AMMECR1L: variants seen among roughly 807,000 people sequenced by gnomAD.
The protein encoded by AMMECR1L is AMMECR1 like, also known as AMMECR1-like protein.
AMMECR1L carries 4 observed loss-of-function variants against 36.8 expected under a neutral mutation model. The observed-to-expected ratio is 0.11, with a 90% CI of 0.05 to 0.25. The LOEUF (loss-of-function observed/expected upper bound fraction) is 0.25, where lower values mean the gene tolerates loss of function less well. Among genes scored for constraint, AMMECR1L ranks in the 10% least tolerant of loss-of-function variants. The pLI is 1.00. For synonymous variants in AMMECR1L, 147 were observed against 148.0 expected, an observed-to-expected ratio of 0.99 and a Z score of 0.05; for missense variants, 232 against 392.1, an observed-to-expected ratio of 0.59 and a Z score of 3.45.
intron 2 of AMMECR1L, among the ~76,000 whole-genome samples, chr2:127,880,594 C>T (rs1016639707): frequency 2.0e-5 from 3 of 152,030 alleles, no homozygotes; most frequent in Admixed American, 1.3e-4. Context: ...GCAACAAGGG[C>T]CACTCAGTGA....
chr2:127,869,352 A>T lies in AMMECR1L; in HGVS notation c.724+102T>A. 2 of 1,112,008 alleles carry T rather than the reference A, an allele frequency of 1.8e-6. No homozygotes were observed. The highest frequency in any genetic ancestry group is 2.7e-6 in the Non-Finnish European group (2 of 735,066). 68.9% of individuals were successfully genotyped at this position (1,112,008 alleles called of 1,614,324 possible). On this transcript the variant is annotated intron_variant, in intron 6 of 7. Coordinates refer to ENST00000272647, the MANE Select transcript of AMMECR1L (RefSeq NM_001199140.2). The surrounding 1 kb of genome is among the most constrained non-coding windows in gnomAD (Gnocchi z 4.7). ...AAGAGGCAGAAAGGCCCTCATTCTC[A>T]GCTGCAGTTGGGCTGCAAGATGACA...
intron 2 of AMMECR1L, among the ~76,000 whole-genome samples, chr2:127,875,135 G>A (rs1691165906): frequency 6.6e-6 from 1 of 151,880 alleles, no homozygotes; most frequent in African/African-American, 2.4e-5. Context: ...CCCAGCTGAT[G>A]ATGCGAAGGG....
chr2:127,879,369 A>G (rs1691389455), intron 2 of AMMECR1L, among the ~76,000 whole-genome samples: 1 of 152,044 alleles, frequency 6.6e-6, no homozygotes, highest in African/African-American at 2.4e-5. Context: ...ACCTCCTCCC[A>G]ACTCTCTCCT....
chr2:127,878,350 G>C (rs1236206920), intron 2 of AMMECR1L, among the ~76,000 whole-genome samples: 1 of 152,286 alleles, frequency 6.6e-6, no homozygotes, highest in Non-Finnish European at 1.5e-5. Flanking sequence ...CATTCCCAGA[G>C]AGCTGGTGTT....
chr2:127,873,346 G>A lies in AMMECR1L; in HGVS notation c.407+482C>T. 1.0e-6 allele frequency: 1 copy of A among 985,422 alleles called. No homozygotes were observed. The highest frequency in any genetic ancestry group is 1.2e-6 in the Non-Finnish European group (1 of 829,934). 61.0% of individuals were successfully genotyped at this position (985,422 alleles called of 1,614,324 possible). A position where few individuals can be genotyped will look rare whatever the true frequency, so the allele number is the denominator to read the frequency against. ...CTGACTTCTTGATGGGATGTGAGTG[G>A]CCCTACAGGTTTACCAAGGGATTTC... On this transcript the variant is annotated intron_variant, in intron 3 of 7. Coordinates refer to ENST00000272647, the MANE Select transcript of AMMECR1L (RefSeq NM_001199140.2). The surrounding 1 kb of genome is among the most constrained non-coding windows in gnomAD (Gnocchi z 5.2).
intron 7 of AMMECR1L, 131 bp downstream of exon 7, chr2:127,866,769 T>C (rs900914414): frequency 2.0e-5 from 18 of 888,492 alleles, no homozygotes; most frequent in Non-Finnish European, 3.2e-5. Context: ...TTCCTCAAAA[T>C]GTGAACTTCA....
rs886513488 is a variant in AMMECR1L at position 127,865,635 on chromosome 2, G to A, written c.822-430C>T. ...TTTGACAGAAATGCAACCTCAATTC[G>A]CGTAAGAGCAACAAACAAGTTATTA... On this transcript the variant is annotated intron_variant, in intron 7 of 7. Coordinates refer to ENST00000272647, the MANE Select transcript of AMMECR1L (RefSeq NM_001199140.2). This position sits in a 1 kb window ranked among gnomAD's most constrained non-coding sequence, Gnocchi z 5.4. 6.6e-6 allele frequency among the ~76,000 whole-genome samples: 1 copy of A among 152,176 alleles called. No individual in the cohort carries two copies. Among genetic ancestry groups the A allele is most frequent in the South Asian group, 2.1e-4 (1 of 4,828 alleles).
rs954537830 is a variant in AMMECR1L, at chr2:127,862,861, C to G, written c.*2233G>C. On this transcript the variant is annotated 3_prime_UTR_variant, in exon 8 of 8. Transcript: ENST00000272647. ...CTTAAATGGCAGGTATCGTACCCCCCCTCGATAAAATAAAATAAAATAAAA... is the reference window on the plus strand; with the variant it reads ...CTTAAATGGCAGGTATCGTACCCCCGCTCGATAAAATAAAATAAAATAAAA... The G allele has an allele frequency of 6.6e-6, 1 of 150,798 alleles. No homozygotes were observed. Among genetic ancestry groups the G allele is most frequent in the African/African-American group, 2.5e-5 (1 of 40,532 alleles). 9.3% of individuals were successfully genotyped at this position (150,798 alleles called of 1,614,324 possible).
At chr2:127,883,686 T>C (rs977124499) in intron 2 of AMMECR1L, among the ~76,000 whole-genome samples, 1 of 152,254 alleles carries the variant, frequency 6.6e-6, no homozygotes, top group Non-Finnish European at 1.5e-5. Context: ...CCCAGAACTT[T>C]GTTTCAAGTT....
rs144161324 is a variant in AMMECR1L at position 127,869,462 on chromosome 2, T to G, written c.716A>C (p.Lys239Thr). The change falls in exon 6 of 8, where the codon AAG becomes ACG. Residue 239 changes from lysine (K) to threonine (T), a missense_variant. Physicochemically the swap from Lys to Thr is moderately conservative, Grantham distance 78. Around this residue, in one of 3 missense-constraint regions of AMMECR1L, gnomAD observed 83 missense variants for 229.5 expected, o/e 0.36. Transcript: ENST00000272647. The surrounding 1 kb of genome is among the most constrained non-coding windows in gnomAD (Gnocchi z 4.7). ...CCATTCATCCAACTCACCTTGTTCC[T>G]TAGCAACCTCAGGTAAATATGTGGC... ...RTATYLPEVA[K>T]EQDWDQIQTI... is the part of the protein sequence containing the mutation. 1.9e-6 allele frequency: 3 copies of G among 1,612,678 alleles called. No individual in the cohort carries two copies. The highest frequency in any genetic ancestry group is 2.5e-6 in the Non-Finnish European group (3 of 1,178,722).
At chr2:127,866,761 C>T in intron 7 of AMMECR1L, 139 bp downstream of exon 7, 1 of 833,404 alleles carries the variant, frequency 1.2e-6, no homozygotes, top group Non-Finnish European at 1.9e-6. Context: ...GCCACTGCTT[C>T]CTCAAAATGT....
Position 127,874,177 on chromosome 2 carries a change from C to T in AMMECR1L, c.58G>A (p.Gly20Arg). The T allele has an allele frequency of 6.2e-7, 1 of 1,614,178 alleles. No individual in the cohort carries two copies. Among genetic ancestry groups the T allele is most frequent in the Non-Finnish European group, 8.5e-7 (1 of 1,180,040 alleles). Residue 20 changes from glycine to arginine, a missense_variant, in exon 3 of 8, where the codon GGG (glycine) becomes AGG (arginine). Transcript: ENST00000272647. This position sits in a 1 kb window ranked among gnomAD's most constrained non-coding sequence, Gnocchi z 5.2. ...CCAGATAATTTGGGCTTCTTGACCC[C>T]ACAACAGCCTGCTGCCAACTTGGGC... ...LEPKLAAGCC[G>R]VKKPKLSGSG...
rs1323380064 is a variant in AMMECR1L, at chr2:127,873,067, G to C, written c.407+761C>G. 3 of 985,168 alleles carry C rather than the reference G, an allele frequency of 3.0e-6. No individual in the cohort carries two copies. The highest frequency in any genetic ancestry group is 3.6e-6 in the Non-Finnish European group (3 of 829,924). 61.0% of individuals were successfully genotyped at this position (985,168 alleles called of 1,614,324 possible). ...GCCAAGGTTTTGTAGTCTCCGTATG[G>C]CAATCAACAACTGAGGAATGAATAA... On this transcript the variant is annotated intron_variant, in intron 3 of 7. Coordinates refer to ENST00000272647, the MANE Select transcript of AMMECR1L (RefSeq NM_001199140.2). This position sits in a 1 kb window ranked among gnomAD's most constrained non-coding sequence, Gnocchi z 5.2.
At chr2:127,867,141 G>T in intron 6 of AMMECR1L, 145 bp from the exon 7 acceptor site, 5 of 1,468,738 alleles carry the variant, frequency 3.4e-6, no homozygotes, top group Non-Finnish European at 3.6e-6. Flanking sequence ...TGACCCCCAC[G>T]TACCTGGCGC....
In AMMECR1L at chr2:127,869,385, CT is replaced by C; in HGVS notation, c.724+68del. 2.1e-6 allele frequency: 3 copies of C among 1,455,018 alleles called. No homozygotes were observed. In the South Asian group the frequency reaches 3.4e-5, roughly 17 times the overall value. 90.1% of individuals were successfully genotyped at this position (1,455,018 alleles called of 1,614,324 possible). The stretch of plus-strand genomic sequence containing the variant: ...TTGGGCTGCAAGATGACACACTTCA[CT>C]TTCTTGCCCTTTAACTGGCACCACT... On this transcript the variant is annotated intron_variant, in intron 6 of 7. Coordinates refer to ENST00000272647, the MANE Select transcript of AMMECR1L (RefSeq NM_001199140.2). This position sits in a 1 kb window ranked among gnomAD's most constrained non-coding sequence, Gnocchi z 4.7.
Position 127,873,214 on chromosome 2 carries a change from A to C in AMMECR1L, c.407+614T>G. 1 of 985,492 alleles carries C rather than the reference A, an allele frequency of 1.0e-6. No homozygotes were observed. Among genetic ancestry groups the C allele is most frequent in the Middle Eastern group, 5.2e-4 (1 of 1,914 alleles). The allele number at this position is 985,492 out of a possible 1,614,324, so 61.0% of individuals were successfully genotyped here. On this transcript the variant is annotated intron_variant, in intron 3 of 7. Transcript: ENST00000272647. The surrounding 1 kb of genome is among the most constrained non-coding windows in gnomAD (Gnocchi z 5.2). Reference sequence around the variant, plus strand: ...GAGGAAGAAGAAAATGCTAGCATGGAATTCTTCAGTTTACTTTATACATAT... The same window carrying C: ...GAGGAAGAAGAAAATGCTAGCATGGCATTCTTCAGTTTACTTTATACATAT...
chr2:127,883,347 G>A (rs550336222), intron 2 of AMMECR1L, among the ~76,000 whole-genome samples: 49 of 152,004 alleles, frequency 3.2e-4, no homozygotes, highest in East Asian at 5.8e-4. Context: ...CACCTGCCTC[G>A]GCCTCCCAAA....
chr2:127,884,894 A>G (rs1186011839), intron 1 of AMMECR1L: 1 of 152,328 alleles, frequency 6.6e-6, no homozygotes, highest in Non-Finnish European at 1.5e-5. Flanking sequence ...GCTACTCCCA[A>G]AGATGTAAGT....
At chr2:127,879,347 A>T (rs562573412) in intron 2 of AMMECR1L, among the ~76,000 whole-genome samples, 1 of 152,034 alleles carries the variant, frequency 6.6e-6, no homozygotes. Flanking sequence ...TGGGCATTTA[A>T]AAGTGTGTGG....
Sources: gnomAD v4.1 joint callset for allele counts (sites outside exome capture counted in the v4.1 genomes callset) on GRCh38, gnomAD v4.1.1 for gene constraint, gnomAD v4.1.1 regional missense constraint, Gnocchi (gnomAD v3.1) non-coding constraint, MANE v1.5 for transcripts, NCBI Gene and HGNC (gene_info 2026-07-23, HGNC 2026-07-21) for gene names.